ADARB2: variants seen among roughly 807,000 people sequenced by gnomAD.
The protein encoded by ADARB2 is inactive double-stranded RNA-specific editase B2.
Under a neutral mutation model 62.2 loss-of-function variants are expected in ADARB2, and 25 were observed. That is an observed-to-expected ratio of 0.40 (90% CI 0.29 to 0.56). The LOEUF (loss-of-function observed/expected upper bound fraction) is 0.56, where lower values mean the gene tolerates loss of function less well. Ranked by LOEUF, ADARB2 falls within the 20% of genes least tolerant of loss-of-function variation. The pLI is 0.43. For synonymous variants in ADARB2, 572 were observed against 500.8 expected, an observed-to-expected ratio of 1.14 and a Z score of -1.90; for missense variants, 1,071 against 1,077.4, an observed-to-expected ratio of 0.99 and a Z score of 0.08.
At chr10:1,549,533 G>A (rs1307533683) in intron 1 of ADARB2, among the ~76,000 whole-genome samples, 1 of 152,028 alleles carries the variant, frequency 6.6e-6, no homozygotes, top group African/African-American at 2.4e-5. Context: ...TGTCCTGATT[G>A]TGCTAAGAGA....
chr10:1,479,033 A>G (rs1195572743), intron 1 of ADARB2, among the ~76,000 whole-genome samples: 1 of 152,200 alleles, frequency 6.6e-6, no homozygotes, highest in Non-Finnish European at 1.5e-5. Flanking sequence ...ATGGCATAAC[A>G]GCCAAGAGGG....
intron 1 of ADARB2, among the ~76,000 whole-genome samples, chr10:1,661,988 C>T (rs917217970): frequency 6.6e-6 from 1 of 152,152 alleles, no homozygotes; most frequent in Non-Finnish European, 1.5e-5. Context: ...GACAGATGAA[C>T]CTGCACTGCA....
intron 5 of ADARB2, among the ~76,000 whole-genome samples, chr10:1,241,738 A>G (rs1205002846): frequency 2.0e-5 from 3 of 152,222 alleles, no homozygotes; most frequent in Admixed American, 6.5e-5. Flanking sequence ...GCAAGAAGAC[A>G]GCGCGTCTCC....
chr10:1,535,366 C>T (rs1832316717), intron 1 of ADARB2, among the ~76,000 whole-genome samples: 1 of 152,116 alleles, frequency 6.6e-6, no homozygotes, highest in Admixed American at 6.5e-5. Context: ...CCTCCGTGTG[C>T]CAGTGCAGCT....
chr10:1,210,974 G>C (rs1837142688), intron 7 of ADARB2, among the ~76,000 whole-genome samples: 1 of 152,202 alleles, frequency 6.6e-6, no homozygotes, highest in African/African-American at 2.4e-5. Context: ...TTGCCAGCCT[G>C]TGCCAGGGAG....
At position 1,371,726 on chromosome 10, in the gene ADARB2, A is replaced by C. The variant is rs77387508; in HGVS notation, c.187+7348T>G. On this transcript the variant is annotated intron_variant, in intron 2 of 9. Transcript: ENST00000381312. Reference sequence around the variant, plus strand: ...TGCTCAACGTCACAGGGGAAATGCAAATTAAAATCACACTGAGATGTCATC... The same window carrying C: ...TGCTCAACGTCACAGGGGAAATGCACATTAAAATCACACTGAGATGTCATC... 9.1e-3 allele frequency among the ~76,000 whole-genome samples: 1,378 copies of C among 151,978 alleles called. 28 individuals are homozygous for C. The highest frequency in any genetic ancestry group is 0.031 in the African/African-American group (1,287 of 41,450).
intron 1 of ADARB2, among the ~76,000 whole-genome samples, chr10:1,473,437 C>G (rs1831354326): frequency 6.6e-6 from 1 of 151,978 alleles, no homozygotes; most frequent in African/African-American, 2.4e-5. Flanking sequence ...GGCTGGAGTG[C>G]AGTGGTGTGA....
At chr10:1,502,398 A>G (rs1415620589) in intron 1 of ADARB2, among the ~76,000 whole-genome samples, 2 of 152,242 alleles carry the variant, frequency 1.3e-5, no homozygotes, top group Admixed American at 6.5e-5. Context: ...GCAGACCCAC[A>G]CATCCTTGGT....
At chr10:1,649,513 C>G (rs1291992124) in intron 1 of ADARB2, among the ~76,000 whole-genome samples, 2 of 152,218 alleles carry the variant, frequency 1.3e-5, no homozygotes, top group Non-Finnish European at 2.9e-5. Context: ...TAACCTGTGT[C>G]CACTTTTCTG....
intron 3 of ADARB2, among the ~76,000 whole-genome samples, chr10:1,341,302 C>T (rs1044762612): frequency 3.4e-5 from 5 of 147,444 alleles, no homozygotes; most frequent in African/African-American, 5.0e-5. Context: ...CAGAGAACCA[C>T]GTGCCCCACA....
At chr10:1,531,075 G>A (rs141887957) in intron 1 of ADARB2, among the ~76,000 whole-genome samples, 47 of 152,192 alleles carry the variant, frequency 3.1e-4, no homozygotes, top group East Asian at 5.8e-4. Flanking sequence ...CAAGCCCTGC[G>A]CCATGATAGC....
intron 1 of ADARB2, among the ~76,000 whole-genome samples, chr10:1,606,396 G>A (rs1475225271): frequency 6.6e-6 from 1 of 152,196 alleles, no homozygotes; most frequent in Non-Finnish European, 1.5e-5. Flanking sequence ...GTGAAAGAAT[G>A]CTCTCTACGC....
chr10:1,419,851 A>G (rs1832837920), intron 1 of ADARB2, among the ~76,000 whole-genome samples: 1 of 152,208 alleles, frequency 6.6e-6, no homozygotes, highest in Non-Finnish European at 1.5e-5. Context: ...TATGTGTTTT[A>G]AGAGTCTTTA....
At chr10:1,555,969 C>T (rs11250622) in intron 1 of ADARB2, among the ~76,000 whole-genome samples, 35,392 of 152,088 alleles carry the variant, frequency 0.23, 4,332 homozygotes, top group African/African-American at 0.26. Flanking sequence ...TGAAAACATA[C>T]ATGTTGTGCA....
intron 3 of ADARB2, among the ~76,000 whole-genome samples, chr10:1,294,364 G>A (rs531199485): frequency 2.4e-4 from 36 of 152,284 alleles, no homozygotes; most frequent in Non-Finnish European, 4.4e-4. Flanking sequence ...ACCTGGCGGG[G>A]TGACGTGGCT....
chr10:1,631,179 C>T (rs1010917844), intron 1 of ADARB2, among the ~76,000 whole-genome samples: 12 of 152,160 alleles, frequency 7.9e-5, no homozygotes, highest in Admixed American at 4.6e-4. Flanking sequence ...GGTGCCTCCA[C>T]GTGGGGTCCC....
At chr10:1,213,887 T>C (rs1837194701) in intron 7 of ADARB2, among the ~76,000 whole-genome samples, 1 of 152,010 alleles carries the variant, frequency 6.6e-6, no homozygotes, top group Non-Finnish European at 1.5e-5. Context: ...GGTTTGCACC[T>C]GTGCCCGGAC....
chr10:1,569,697 A>T (rs1029761062), intron 1 of ADARB2, among the ~76,000 whole-genome samples: 2 of 152,220 alleles, frequency 1.3e-5, no homozygotes, highest in African/African-American at 4.8e-5. Flanking sequence ...TTAATTGGCC[A>T]TAAATTTGAT....
At chr10:1,287,563 G>A (rs888356090) in intron 3 of ADARB2, among the ~76,000 whole-genome samples, 3 of 152,216 alleles carry the variant, frequency 2.0e-5, no homozygotes, top group African/African-American at 7.2e-5. Context: ...CTCCATTTCC[G>A]TGAGAGTTCT....
Sources: gnomAD v4.1 joint callset for allele counts (sites outside exome capture counted in the v4.1 genomes callset) on GRCh38, gnomAD v4.1.1 for gene constraint, MANE v1.5 for transcripts, NCBI Gene and HGNC (gene_info 2026-07-23, HGNC 2026-07-21) for gene names.